Variants in ADCY8 observed in about 807,000 individuals in gnomAD.
ADCY8 encodes the protein adenylate cyclase type 8.
Under a neutral mutation model 119.7 loss-of-function variants are expected in ADCY8, and 51 were observed. The ratio of observed to expected loss-of-function variants is 0.43; its 90% confidence interval spans 0.34 to 0.54. The LOEUF (loss-of-function observed/expected upper bound fraction) is 0.54. Among genes scored for constraint, ADCY8 ranks in the 20% least tolerant of loss-of-function variants. The pLI, the probability that ADCY8 is intolerant of heterozygous loss-of-function variation, is 0.03. For missense variants in ADCY8, 1,383 were observed against 1,598.8 expected (o/e 0.87, Z 2.30); for synonymous variants, 665 against 651.0 (o/e 1.02, Z -0.33).
At chr8:130,890,888 A>G (rs7016933) in intron 7 of ADCY8, among the ~76,000 whole-genome samples, 91,719 of 152,040 alleles carry the variant, frequency 0.6, 28,732 homozygotes, top group Non-Finnish European at 0.68. Context: ...GGTAGTCTTT[A>G]GATTTAGCTA....
intron 9 of ADCY8, among the ~76,000 whole-genome samples, chr8:130,850,333 C>A (rs1470390425): frequency 6.6e-6 from 1 of 152,108 alleles, no homozygotes; most frequent in African/African-American, 2.4e-5. Flanking sequence ...AAGGCATCAG[C>A]ATCACTCTCG....
chr8:130,896,558 A>T (rs1189775520), intron 7 of ADCY8, among the ~76,000 whole-genome samples: 1 of 152,192 alleles, frequency 6.6e-6, no homozygotes, highest in African/African-American at 2.4e-5. Context: ...CATAATGACC[A>T]TGGTGAAAAC....
chr8:130,800,501 G>A lies in ADCY8; in HGVS notation c.2985C>T (p.Tyr995=). Residue 995 remains tyrosine (Y), a synonymous_variant, in exon 15 of 18, where the codon TAC becomes TAT. Transcript: ENST00000286355. The part of the protein sequence containing the change: ...FASIPGFADF[Y]SQTEMNNQGV... ...CCTGGTTATTCATTTCAGTCTGAGAGTAAAAGTCCGCAAATCCTGGGATGG... is the reference window on the plus strand; with the variant it reads ...CCTGGTTATTCATTTCAGTCTGAGAATAAAAGTCCGCAAATCCTGGGATGG... 1 of 1,614,158 alleles carries A rather than the reference G, an allele frequency of 6.2e-7. No individual in the cohort carries two copies. Among genetic ancestry groups the A allele is most frequent in the Non-Finnish European group, 8.5e-7 (1 of 1,180,030 alleles).
chr8:130,951,499 G>C (rs1447012356), intron 3 of ADCY8, among the ~76,000 whole-genome samples: 2 of 152,170 alleles, frequency 1.3e-5, no homozygotes, highest in Non-Finnish European at 2.9e-5. Flanking sequence ...ACACACTTAT[G>C]AGTAATATAA....
At chr8:130,822,966 T>C (rs1018994904) in intron 12 of ADCY8, among the ~76,000 whole-genome samples, 12 of 152,212 alleles carry the variant, frequency 7.9e-5, no homozygotes, top group Non-Finnish European at 2.9e-5. Flanking sequence ...ATCTTGCTCA[T>C]GGTGGTGGAG....
At chr8:131,017,457 C>T (rs761293150) in intron 1 of ADCY8, among the ~76,000 whole-genome samples, 19 of 152,184 alleles carry the variant, frequency 1.2e-4, no homozygotes, top group Non-Finnish European at 2.6e-4. Context: ...TACTCCTATC[C>T]TAAGTCCTTG....
At chr8:130,932,288 G>A (rs970310827) in intron 5 of ADCY8, among the ~76,000 whole-genome samples, 15 of 152,220 alleles carry the variant, frequency 9.9e-5, no homozygotes, top group African/African-American at 3.6e-4. Context: ...TAATAGTGGT[G>A]TGTGCCTGAG....
intron 12 of ADCY8, among the ~76,000 whole-genome samples, chr8:130,831,259 C>A (rs1422527040): frequency 6.6e-6 from 1 of 152,198 alleles, no homozygotes; most frequent in African/African-American, 2.4e-5. Flanking sequence ...TTTAATATTT[C>A]ATTCTGCAAA....
chr8:131,030,502 C>A (rs570074902), intron 1 of ADCY8, among the ~76,000 whole-genome samples: 1 of 152,272 alleles, frequency 6.6e-6, no homozygotes, highest in East Asian at 1.9e-4. Flanking sequence ...TAAAAAGAGT[C>A]CAAGTCTTGC....
At chr8:130,899,608 TAA>T (rs60734293) in intron 7 of ADCY8, among the ~76,000 whole-genome samples, 12 of 123,076 alleles carry the variant, frequency 9.8e-5, no homozygotes, top group Admixed American at 1.6e-4. Context: ...TCCATCTCAA[TAA>T]AAAAAAAAAA....
chr8:130,929,229 G>A (rs1010921230), intron 5 of ADCY8, among the ~76,000 whole-genome samples: 1 of 151,948 alleles, frequency 6.6e-6, no homozygotes, highest in African/African-American at 2.4e-5. Flanking sequence ...GTCCCTTGAG[G>A]TGCAATGTTA....
intron 1 of ADCY8, among the ~76,000 whole-genome samples, chr8:131,036,638 T>A (rs780340605): frequency 1.3e-5 from 2 of 152,222 alleles, no homozygotes; most frequent in Admixed American, 6.5e-5. Flanking sequence ...ATAGCAGATG[T>A]GCTCTGGAGA....
chr8:130,879,766 A>G (rs1818699678), intron 8 of ADCY8, among the ~76,000 whole-genome samples: 1 of 152,200 alleles, frequency 6.6e-6, no homozygotes, highest in South Asian at 2.1e-4. Flanking sequence ...TGAATATTTA[A>G]TAATGAGGAA....
intron 2 of ADCY8, among the ~76,000 whole-genome samples, chr8:130,958,086 T>G (rs1821485954): frequency 6.6e-6 from 1 of 152,130 alleles, no homozygotes; most frequent in Non-Finnish European, 1.5e-5. Context: ...TACCAATAGT[T>G]TGCACCATTC....
intron 12 of ADCY8, among the ~76,000 whole-genome samples, chr8:130,830,580 C>T (rs1329729107): frequency 6.6e-6 from 1 of 152,170 alleles, no homozygotes; most frequent in African/African-American, 2.4e-5. Flanking sequence ...AATCTCCACT[C>T]CTACACCCCT....
intron 8 of ADCY8, among the ~76,000 whole-genome samples, chr8:130,880,326 A>AT (rs1253339400): frequency 2.0e-5 from 3 of 152,098 alleles, no homozygotes; most frequent in African/African-American, 7.2e-5. Context: ...AAGAGATTTC[A>AT]TTTTTTTCTT....
chr8:130,785,503 G>A (rs1240390351), intron 15 of ADCY8, 28 bp from the exon 16 acceptor site: 1 of 1,552,318 alleles, frequency 6.4e-7, no homozygotes, highest in Non-Finnish European at 8.8e-7. Context: ...AATGGTGTTA[G>A]CCCTGGTGTT....
At chr8:131,007,670 A>G (rs1416489364) in intron 1 of ADCY8, among the ~76,000 whole-genome samples, 1 of 152,256 alleles carries the variant, frequency 6.6e-6, no homozygotes, top group East Asian at 1.9e-4. Context: ...TGCAAAATAC[A>G]GCAATTATCT....
chr8:130,947,163 A>G (rs1185288724), intron 3 of ADCY8, among the ~76,000 whole-genome samples: 1 of 152,166 alleles, frequency 6.6e-6, no homozygotes, highest in Non-Finnish European at 1.5e-5. Flanking sequence ...AAGTCATGTT[A>G]CCTAATAGTC....
Sources: gnomAD v4.1 joint callset for allele counts (sites outside exome capture counted in the v4.1 genomes callset) on GRCh38, gnomAD v4.1.1 for gene constraint, MANE v1.5 for transcripts, NCBI Gene and HGNC (gene_info 2026-07-23, HGNC 2026-07-21) for gene names.